The following IRS2 variants were observed in gnomAD, a reference collection of about 807,000 sequenced individuals.
IRS2 encodes insulin receptor substrate 2.
IRS2 carries 28 observed loss-of-function variants against 70.9 expected under a neutral mutation model. That is an observed-to-expected ratio of 0.39 (90% CI 0.29 to 0.54). The LOEUF (loss-of-function observed/expected upper bound fraction) is 0.54, where lower values mean the gene tolerates loss of function less well. Ranked by LOEUF, IRS2 falls within the 20% of genes least tolerant of loss-of-function variation. The pLI, the probability that IRS2 is intolerant of heterozygous loss-of-function variation, is 0.59. For missense variants in IRS2, 2,081 were observed against 2,024.1 expected (o/e 1.03, Z -0.54); for synonymous variants, 1,217 against 981.9 (o/e 1.24, Z -4.48).
Position 109,784,816 on chromosome 13 carries a change from C to A in IRS2, c.1238G>T (p.Gly413Val). The change falls in exon 1 of 2, where the codon GGG (glycine) becomes GTG (valine). Residue 413 changes from glycine (G) to valine (V), a missense_variant. By Grantham distance (109) the Gly-to-Val change is moderately radical. Around this residue, in one of 4 missense-constraint regions of IRS2, gnomAD observed 1,615 missense variants for 1,459.5 expected, o/e 1.11. Transcript: ENST00000375856. The surrounding 1 kb of genome is among the most constrained non-coding windows in gnomAD (Gnocchi z 5.2). ...TGCCGGCAGCAGCGCCACCTTGCTC[C>A]CGCGGCCGCCGCAGCCGCCGCTCAG... Reference protein sequence around the residue: ...HTLSGGCGGRGSKVALLPAGG... With the variant: ...HTLSGGCGGRVSKVALLPAGG... 1 of 1,266,290 alleles carries A rather than the reference C, an allele frequency of 7.9e-7. No individual in the cohort carries two copies. The highest frequency in any genetic ancestry group is 1.0e-6 in the Non-Finnish European group (1 of 997,988). 78.4% of individuals were successfully genotyped at this position (1,266,290 alleles called of 1,614,324 possible).
chr13:109,760,822 AAGG>A (rs2138911914), intron 1 of IRS2, among the ~76,000 whole-genome samples: 1 of 152,356 alleles, frequency 6.6e-6, no homozygotes, highest in South Asian at 2.1e-4. Context: ...TGATTAAGAC[AAGG>A]AGGAAAGCTT....
chr13:109,774,643 A>T (rs1039468902), intron 1 of IRS2, among the ~76,000 whole-genome samples: 1 of 152,138 alleles, frequency 6.6e-6, no homozygotes, highest in African/African-American at 2.4e-5. Flanking sequence ...TATGAGGTTG[A>T]ACCCGACACT....
chr13:109,759,155 C>T (rs1248817932), intron 1 of IRS2, among the ~76,000 whole-genome samples: 1 of 152,212 alleles, frequency 6.6e-6, no homozygotes, highest in East Asian at 1.9e-4. Flanking sequence ...GCATGTGTCT[C>T]ACCTAGCCTG....
At chr13:109,782,021 C>T (rs546821038) in intron 1 of IRS2, 21 bp downstream of exon 1, 6 of 1,611,330 alleles carry the variant, frequency 3.7e-6, no homozygotes, top group Admixed American at 1.7e-5. Context: ...CGCCAGACGC[C>T]AAGGCAAAGG....
rs1202652414 is a variant in IRS2, at chr13:109,782,701, T to A, written c.3353A>T (p.Glu1118Val). Residue 1118 changes from glutamate to valine, a missense_variant, in exon 1 of 2, where the codon GAG (glutamate) becomes GTG (valine). Coordinates refer to ENST00000375856, the MANE Select transcript of IRS2 (RefSeq NM_003749.3). ...GGGCTGGCTGGCCTGCAGGAAGGCC[T>A]CGACTCCCGACACCTGCTCCATGAG... ...LSLMEQVSGVEAFLQASQPPD... is the reference protein window; with the variant it reads ...LSLMEQVSGVVAFLQASQPPD... The A allele has an allele frequency of 2.5e-6, 4 of 1,587,412 alleles. No individual in the cohort carries two copies. Among genetic ancestry groups the A allele is most frequent in the Non-Finnish European group, 3.4e-6 (4 of 1,168,498 alleles).
intron 1 of IRS2, among the ~76,000 whole-genome samples, chr13:109,780,608 T>C (rs1020996597): frequency 6.6e-6 from 1 of 152,226 alleles, no homozygotes; most frequent in African/African-American, 2.4e-5. Flanking sequence ...AAGTATACTA[T>C]AAAACAGATG....
At position 109,783,654 on chromosome 13, in the gene IRS2, G is replaced by A. The variant is rs750994392; in HGVS notation, c.2400C>T (p.Gly800=). The change falls in exon 1 of 2, where the codon GGC becomes GGT. Residue 800 remains glycine, a synonymous_variant. Transcript: ENST00000375856. ...AGCGGGGCAAGGAGCTGTAGCAGCA[G>A]CCGGGAACGCCCCTGAGCGGCTCCC... ...PGGEPLRGVP[G]CCYSSLPRSY... The A allele has an allele frequency of 6.4e-7, 1 of 1,554,706 alleles. No homozygotes were observed. Among genetic ancestry groups the A allele is most frequent in the Admixed American group, 1.9e-5 (1 of 51,736 alleles).
chr13:109,784,935 C>A lies in IRS2; in HGVS notation c.1119G>T (p.Ala373=). Residue 373 remains alanine (A), a synonymous_variant, in exon 1 of 2, where the codon GCG becomes GCT. Coordinates refer to ENST00000375856, the MANE Select transcript of IRS2 (RefSeq NM_003749.3). This position sits in a 1 kb window ranked among gnomAD's most constrained non-coding sequence, Gnocchi z 5.2. ...GCCTGGCGCCCGCGGCCGCCGCTCC[C>A]GCCGCCGCGCCGCCGTCGCCCTCGC... ...TASEGDGGAA[A]GAAAAGARPV... 9.2e-7 allele frequency: 1 copy of A among 1,086,008 alleles called. No homozygotes were observed. Among genetic ancestry groups the A allele is most frequent in the South Asian group, 4.3e-5 (1 of 23,020 alleles). 67.3% of individuals were successfully genotyped at this position (1,086,008 alleles called of 1,614,324 possible). A position where few individuals can be genotyped will look rare whatever the true frequency, so the allele number is the denominator to read the frequency against.
In IRS2 at chr13:109,786,196, G is replaced by T. The variant is rs1877920562; in HGVS notation, c.-143C>A. On this transcript the variant is annotated 5_prime_UTR_variant, in exon 1 of 2. Transcript: ENST00000375856. This position sits in a 1 kb window ranked among gnomAD's most constrained non-coding sequence, Gnocchi z 4.4. ...CACGCGTCCCTCGGGCCCAGGCGGTGGGGAAGGTCCGGGGAGGCCCGCGGG... is the reference window on the plus strand; with the variant it reads ...CACGCGTCCCTCGGGCCCAGGCGGTTGGGAAGGTCCGGGGAGGCCCGCGGG... The T allele has an allele frequency of 5.5e-6, 2 of 362,362 alleles. No individual in the cohort carries two copies. Among genetic ancestry groups the T allele is most frequent in the South Asian group, 1.1e-4 (1 of 9,106 alleles). 22.4% of individuals were successfully genotyped at this position (362,362 alleles called of 1,614,324 possible). A position where few individuals can be genotyped will look rare whatever the true frequency, so the allele number is the denominator to read the frequency against.
At chr13:109,769,532 C>T (rs1877406867) in intron 1 of IRS2, among the ~76,000 whole-genome samples, 1 of 152,216 alleles carries the variant, frequency 6.6e-6, no homozygotes, top group African/African-American at 2.4e-5. Context: ...CCTCCCTTAA[C>T]ATCTGTAAGA....
At chr13:109,765,879 T>C (rs879241384) in intron 1 of IRS2, among the ~76,000 whole-genome samples, 16 of 49,082 alleles carry the variant, frequency 3.3e-4, no homozygotes, top group South Asian at 1.4e-3. Flanking sequence ...CTCATCCACC[T>C]TGGCTCCAAC....
intron 1 of IRS2, among the ~76,000 whole-genome samples, chr13:109,759,777 C>G (rs1566404764): frequency 6.6e-6 from 1 of 152,074 alleles, no homozygotes; most frequent in African/African-American, 2.4e-5. Flanking sequence ...GTAGTTCACA[C>G]ACAGCTTTCA....
intron 1 of IRS2, among the ~76,000 whole-genome samples, chr13:109,778,413 C>A (rs1053263343): frequency 2.6e-5 from 4 of 152,204 alleles, no homozygotes; most frequent in African/African-American, 9.7e-5. Flanking sequence ...CTTTCATTCA[C>A]GAAAGCCGGT....
chr13:109,776,768 A>G (rs867372950), intron 1 of IRS2, among the ~76,000 whole-genome samples: 59 of 152,346 alleles, frequency 3.9e-4, no homozygotes, highest in African/African-American at 1.3e-3. Flanking sequence ...TGACTTTACT[A>G]GTTTTCTTCA....
At position 109,783,539 on chromosome 13, in the gene IRS2, G is replaced by C. The variant is rs2138932928; in HGVS notation, c.2515C>G (p.Leu839Val). The C allele has an allele frequency of 3.2e-6, 5 of 1,549,494 alleles. No homozygotes were observed. The highest frequency in any genetic ancestry group is 4.4e-6 in the Non-Finnish European group (5 of 1,146,774). Reference sequence around the variant, plus strand: ...GGCCCTGGCGTGGCCTGAGGCTCCAGACGCTCCTCCTCCAGGATGCGCCCC... The same window carrying C: ...GGCCCTGGCGTGGCCTGAGGCTCCACACGCTCCTCCTCCAGGATGCGCCCC... ...PVGRILEEER[L>V]EPQATPGPSQ... is the part of the protein sequence containing the mutation. Residue 839 changes from leucine (L) to valine (V), a missense_variant, in exon 1 of 2, where the codon CTG becomes GTG. Around this residue, in one of 4 missense-constraint regions of IRS2, gnomAD observed 1,615 missense variants for 1,459.5 expected, o/e 1.11. Transcript: ENST00000375856.
In IRS2 at chr13:109,784,632, G is replaced by A; in HGVS notation, c.1422C>T (p.His474=). The part of the protein sequence containing the change: ...GPHPPLPHPL[H]HGPGQRPSSG... ...TGGAGGGCCGCTGGCCGGGGCCGTG[G>A]TGCAGCGGATGCGGCAGAGGCGGGT... Residue 474 remains histidine (H), a synonymous_variant, in exon 1 of 2, where the codon CAC becomes CAT. Coordinates refer to ENST00000375856, the MANE Select transcript of IRS2 (RefSeq NM_003749.3). The surrounding 1 kb of genome is among the most constrained non-coding windows in gnomAD (Gnocchi z 5.2). 7.6e-7 allele frequency: 1 copy of A among 1,310,476 alleles called. No homozygotes were observed. The highest frequency in any genetic ancestry group is 2.9e-4 in the Middle Eastern group (1 of 3,456). 81.2% of individuals were successfully genotyped at this position (1,310,476 alleles called of 1,614,324 possible).
chr13:109,775,919 G>T (rs1877565279), intron 1 of IRS2, among the ~76,000 whole-genome samples: 1 of 152,152 alleles, frequency 6.6e-6, no homozygotes, highest in South Asian at 2.1e-4. Context: ...AGAGGCTGAG[G>T]CGGGAAGATC....
chr13:109,781,359 C>G (rs1331143743), intron 1 of IRS2, among the ~76,000 whole-genome samples: 1 of 152,200 alleles, frequency 6.6e-6, no homozygotes, highest in Non-Finnish European at 1.5e-5. Context: ...TCAGCAAAGC[C>G]TCCAGGTAAC....
In IRS2 at chr13:109,755,508, T is replaced by C. The variant is rs35522905; in HGVS notation, c.*796A>G. On this transcript the variant is annotated 3_prime_UTR_variant, in exon 2 of 2. Coordinates refer to ENST00000375856, the MANE Select transcript of IRS2 (RefSeq NM_003749.3). Reference sequence around the variant, plus strand: ...AGTCTGTTAAAGGTAAAAAGAGATATTCATCCCCTTCCCAAAGCCCTTCCC... The same window carrying C: ...AGTCTGTTAAAGGTAAAAAGAGATACTCATCCCCTTCCCAAAGCCCTTCCC... 3 of 211,344 alleles carry C rather than the reference T, an allele frequency of 1.4e-5. No individual in the cohort carries two copies. Among genetic ancestry groups the C allele is most frequent in the South Asian group, 1.9e-4 (1 of 5,340 alleles). 13.1% of individuals were successfully genotyped at this position (211,344 alleles called of 1,614,324 possible).
Sources: gnomAD v4.1 joint callset for allele counts (sites outside exome capture counted in the v4.1 genomes callset) on GRCh38, gnomAD v4.1.1 for gene constraint, gnomAD v4.1.1 regional missense constraint, Gnocchi (gnomAD v3.1) non-coding constraint, MANE v1.5 for transcripts, NCBI Gene and HGNC (gene_info 2026-07-23, HGNC 2026-07-21) for gene names.